The following MAST4 variants were observed in gnomAD, a reference collection of about 807,000 sequenced individuals.
The protein encoded by MAST4 is microtubule-associated serine/threonine-protein kinase 4.
MAST4 carries 89 observed loss-of-function variants against 162.7 expected under a neutral mutation model. The ratio of observed to expected loss-of-function variants is 0.55; its 90% CI spans 0.46 to 0.65. The LOEUF is 0.65. Among genes scored for constraint, MAST4 ranks in the 30% least tolerant of loss-of-function variants. The pLI, the probability that MAST4 is intolerant of heterozygous loss-of-function variation, is 0.00. For missense variants in MAST4, 3,153 were observed against 3,374.0 expected, an observed-to-expected ratio of 0.93 and a Z score of 1.62; for synonymous variants, 1,479 against 1,361.1, an observed-to-expected ratio of 1.09 and a Z score of -1.91.
chr5:67,081,115 T>TA (rs1468761067), intron 5 of MAST4, among the ~76,000 whole-genome samples: 2 of 140,914 alleles, frequency 1.4e-5, no homozygotes, highest in Non-Finnish European at 3.0e-5. Context: ...ATATTATATA[T>TA]TTTTTTTTAA....
intron 3 of MAST4, among the ~76,000 whole-genome samples, chr5:66,833,318 A>G (rs893284955): frequency 1.8e-4 from 28 of 152,084 alleles, no homozygotes; most frequent in African/African-American, 6.3e-4. Context: ...TCTACCATCA[A>G]AGTATGTCTA....
rs548652848 is a variant in MAST4 at position 67,078,704 on chromosome 5, A to G, written c.764-11458A>G. Among the ~76,000 whole-genome samples, 403 of 131,604 alleles carry G rather than the reference A, an allele frequency of 3.1e-3. 4 individuals carry two copies. Among genetic ancestry groups the G allele is most frequent in the African/African-American group, 0.012 (386 of 32,496 alleles). The allele number at this position is 131,604 out of a possible 152,430, so 86.3% of individuals were successfully genotyped here. On this transcript the variant is annotated intron_variant, in intron 5 of 28. Coordinates refer to ENST00000403625, the MANE Select transcript of MAST4 (RefSeq NM_001164664.2). The stretch of plus-strand genomic sequence containing the variant: ...TTTATTTATATTTATATATTTATAT[A>G]TAATATTTATTTATATTATATTTAT...
intron 4 of MAST4, among the ~76,000 whole-genome samples, chr5:66,977,892 C>T (rs1018505522): frequency 2.6e-5 from 4 of 152,168 alleles, no homozygotes; most frequent in African/African-American, 9.7e-5. Flanking sequence ...ACACAGGATT[C>T]GAACTCAGAA....
Position 66,811,133 on chromosome 5 carries a change from G to T in MAST4, c.642+22339G>T, listed in dbSNP as rs575243485. Among the ~76,000 whole-genome samples, 3 of 152,270 alleles carry T rather than the reference G, an allele frequency of 2.0e-5. No homozygotes were observed. The East Asian group carries it at 5.8e-4, about 29-fold the overall frequency. On this transcript the variant is annotated intron_variant, in intron 3 of 28. Coordinates refer to ENST00000403625, the MANE Select transcript of MAST4 (RefSeq NM_001164664.2). ...GGCTCATGTTGGCCTCTCCTGTGCG[G>T]CCACCTGGGCTCCCTCACAGTTGGC...
intron 4 of MAST4, among the ~76,000 whole-genome samples, chr5:66,907,158 CG>C (rs1763408426): frequency 0.021 from 2,164 of 104,370 alleles, 108 homozygotes; most frequent in African/African-American, 0.077. Context: ...CTCAGCAAAG[CG>C]AGAGAGAGAG....
chr5:67,126,838 A>G (rs530470070), intron 14 of MAST4, among the ~76,000 whole-genome samples: 10 of 152,258 alleles, frequency 6.6e-5, no homozygotes, highest in African/African-American at 2.4e-4. Flanking sequence ...TTTGGGCAGT[A>G]TGGCCATTTT....
At chr5:66,927,857 A>C (rs1371941377) in intron 4 of MAST4, among the ~76,000 whole-genome samples, 3 of 152,154 alleles carry the variant, frequency 2.0e-5, no homozygotes, top group Non-Finnish European at 4.4e-5. Context: ...TTCGATTCCT[A>C]CTGAGGACTA....
chr5:66,704,882 T>A (rs1172360864), intron 1 of MAST4, among the ~76,000 whole-genome samples: 3 of 152,194 alleles, frequency 2.0e-5, no homozygotes, highest in Non-Finnish European at 4.4e-5. Flanking sequence ...GTAAGAATCT[T>A]GAGCTTGCTT....
chr5:67,018,164 A>G (rs1343745629), intron 4 of MAST4, among the ~76,000 whole-genome samples: 1 of 152,176 alleles, frequency 6.6e-6, no homozygotes, highest in South Asian at 2.1e-4. Flanking sequence ...TTGTCAAGTG[A>G]AGTACCAGAA....
At chr5:66,604,601 ACTGT>A (rs1369136993) in intron 1 of MAST4, among the ~76,000 whole-genome samples, 4 of 152,206 alleles carry the variant, frequency 2.6e-5, no homozygotes, top group Admixed American at 2.6e-4. Context: ...TGGGTAGATG[ACTGT>A]CTGTTAAACT....
At chr5:66,731,418 T>TAGAACAAGGTGTTTGCATATAGA (rs1751850172) in intron 1 of MAST4, among the ~76,000 whole-genome samples, 2 of 152,206 alleles carry the variant, frequency 1.3e-5, no homozygotes, top group African/African-American at 4.8e-5. Context: ...GATGGCAACC[T>TAGAACAAGGTGTTTGCATATAGA]ATCAATTTTT....
At chr5:66,796,015 C>G (rs1755629401) in intron 3 of MAST4, among the ~76,000 whole-genome samples, 1 of 152,154 alleles carries the variant, frequency 6.6e-6, no homozygotes, top group South Asian at 2.1e-4. Flanking sequence ...TAACTCAGTG[C>G]TGAAATAGCA....
intron 4 of MAST4, among the ~76,000 whole-genome samples, chr5:66,913,787 A>C (rs970985260): frequency 1.3e-5 from 2 of 152,224 alleles, no homozygotes; most frequent in African/African-American, 4.8e-5. Flanking sequence ...ATTTAGGTCT[A>C]TGATTAATGT....
rs1755309541 is a variant in MAST4 at position 67,031,446 on chromosome 5, A to G, written c.675-22958A>G. On this transcript the variant is annotated intron_variant, in intron 4 of 28. Transcript: ENST00000403625. Reference sequence around the variant, plus strand: ...TTGGAAAGATTGGCTGGGCCCTGTTATCATAATGGATGGTGACTATTTGAC... The same window carrying G: ...TTGGAAAGATTGGCTGGGCCCTGTTGTCATAATGGATGGTGACTATTTGAC... Among the ~76,000 whole-genome samples the G allele has an allele frequency of 2.0e-5, 3 of 150,410 alleles. No individual in the cohort carries two copies. The South Asian group carries it at 6.5e-4, about 33-fold the overall frequency.
intron 5 of MAST4, among the ~76,000 whole-genome samples, chr5:67,078,932 A>T (rs1388951812): frequency 1.2e-5 from 1 of 81,972 alleles, no homozygotes; most frequent in Non-Finnish European, 2.2e-5. Flanking sequence ...ATATATATAT[A>T]TATATATATA....
chr5:67,093,058 C>T (rs1015508216), intron 6 of MAST4, among the ~76,000 whole-genome samples: 1 of 152,152 alleles, frequency 6.6e-6, no homozygotes, highest in African/African-American at 2.4e-5. Flanking sequence ...AAATCTACTT[C>T]CTCTTCATAC....
At chr5:66,907,850 A>G (rs898195546) in intron 4 of MAST4, among the ~76,000 whole-genome samples, 6 of 152,080 alleles carry the variant, frequency 3.9e-5, no homozygotes. Flanking sequence ...AAAGAGTTTA[A>G]TTCAAACAAA....
At chr5:67,086,872 C>T (rs542994738) in intron 5 of MAST4, among the ~76,000 whole-genome samples, 14 of 152,338 alleles carry the variant, frequency 9.2e-5, no homozygotes, top group Admixed American at 7.2e-4. Flanking sequence ...AAGTCCTCAT[C>T]GCTGAGTTTA....
intron 4 of MAST4, among the ~76,000 whole-genome samples, chr5:66,956,285 G>A (rs79122482): frequency 6.6e-6 from 1 of 152,214 alleles, no homozygotes; most frequent in African/African-American, 2.4e-5. Flanking sequence ...TTGATATTTC[G>A]ATGTAGAGGC....
Sources: allele counts gnomAD v4.1 joint callset (sites outside exome capture counted in the v4.1 genomes callset), GRCh38; gene constraint gnomAD v4.1.1; transcripts MANE v1.5; gene names NCBI Gene and HGNC (gene_info 2026-07-23, HGNC 2026-07-21).